HACL1: variants seen among roughly 807,000 people sequenced by gnomAD.
HACL1 encodes the protein 2-hydroxyacyl-CoA lyase 1.
Under a neutral mutation model 74.2 loss-of-function variants are expected in HACL1, and 64 were observed. The observed-to-expected ratio is 0.86, with a 90% CI of 0.70 to 1.06. HACL1 has a LOEUF of 1.06. HACL1 is among the 50% of genes least tolerant of loss of function. The pLI is 0.00. For synonymous variants in HACL1, 230 were observed against 238.8 expected, an observed-to-expected ratio of 0.96 and a Z score of 0.34; for missense variants, 728 against 719.7, an observed-to-expected ratio of 1.01 and a Z score of -0.13.
intron 3 of HACL1, among the ~76,000 whole-genome samples, chr3:15,593,182 T>TAC (rs2063986450): frequency 6.7e-6 from 1 of 150,118 alleles, no homozygotes; most frequent in Non-Finnish European, 1.5e-5. Context: ...TGTGTATATA[T>TAC]ACACACATAT....
chr3:15,586,631 T>G (rs772141093), intron 5 of HACL1, 29 bp from the exon 6 acceptor site: 1 of 1,268,300 alleles, frequency 7.9e-7, no homozygotes, highest in South Asian at 1.2e-5. Flanking sequence ...TCACTTAAAA[T>G]TCAGCTCACA....
chr3:15,592,359 T>A (rs190937111), intron 3 of HACL1, among the ~76,000 whole-genome samples: 2 of 137,280 alleles, frequency 1.5e-5, no homozygotes, highest in Non-Finnish European at 3.0e-5. Context: ...ACTCTATATA[T>A]ATGTATACAT....
rs41284035 is a variant in HACL1 at position 15,580,153 on chromosome 3, G to C, written c.668-108C>G. 7.4e-3 allele frequency: 6,464 copies of C among 869,288 alleles called. 34 individuals carry two copies. The highest frequency in any genetic ancestry group is 0.01 in the Non-Finnish European group (5,634 of 545,874). The allele number at this position is 869,288 out of a possible 1,614,324, so 53.8% of individuals were successfully genotyped here. A position where few individuals can be genotyped will look rare whatever the true frequency, so the allele number is the denominator to read the frequency against. On this transcript the variant is annotated intron_variant, in intron 8 of 16. Coordinates refer to ENST00000321169, the MANE Select transcript of HACL1 (RefSeq NM_012260.4). ...TTTACTTATTTATATTTTGAGACAG[G>C]GACTCACTCTATCACCCAGGCTGGA...
Position 15,567,922 on chromosome 3 carries a change from C to G in HACL1, c.1331G>C (p.Ser444Thr). The G allele has an allele frequency of 3.1e-6, 5 of 1,614,056 alleles. No homozygotes were observed. The highest frequency in any genetic ancestry group is 4.2e-6 in the Non-Finnish European group (5 of 1,179,872). ...IAAAVVAKDRSPGQWIICVEG... is the reference protein window; with the variant it reads ...IAAAVVAKDRTPGQWIICVEG... ...CACACAGATGATCCATTGCCCAGGG[C>G]TTCTATCTTTAGCCACCACGGCAGC... The change falls in exon 14 of 17, where the codon AGC (serine) becomes ACC (threonine). Residue 444 changes from serine to threonine, a missense_variant. Transcript: ENST00000321169.
intron 4 of HACL1, among the ~76,000 whole-genome samples, chr3:15,589,846 C>A (rs2063858460): frequency 6.6e-6 from 1 of 151,908 alleles, no homozygotes; most frequent in Non-Finnish European, 1.5e-5. Context: ...ACCAGCATGG[C>A]CAACATGGTG....
chr3:15,590,673 A>G (rs147215214), intron 4 of HACL1, among the ~76,000 whole-genome samples: 1 of 152,356 alleles, frequency 6.6e-6, no homozygotes, highest in East Asian at 1.9e-4. Flanking sequence ...AAAATTAGCC[A>G]CATTTTACAC....
At chr3:15,599,643 A>T (rs1306439429) in intron 2 of HACL1, among the ~76,000 whole-genome samples, 1 of 152,214 alleles carries the variant, frequency 6.6e-6, no homozygotes, top group Non-Finnish European at 1.5e-5. Flanking sequence ...CTCTACAGGC[A>T]ATCTTCTCTG....
At chr3:15,563,704 T>C (rs1484434523) in intron 15 of HACL1, among the ~76,000 whole-genome samples, 160 bp from the exon 16 acceptor site, 1 of 152,244 alleles carries the variant, frequency 6.6e-6, no homozygotes, top group Non-Finnish European at 1.5e-5. Context: ...GAGTTTTTCC[T>C]ATATTTATAA....
intron 8 of HACL1, among the ~76,000 whole-genome samples, chr3:15,580,705 G>T (rs1189254060): frequency 2.6e-5 from 4 of 152,180 alleles, no homozygotes; most frequent in Non-Finnish European, 5.9e-5. Context: ...AGGGAAAAAT[G>T]TTGCCCTGAA....
intron 6 of HACL1, 66 bp from the exon 7 acceptor site, chr3:15,585,408 ATAATT>A (rs954066363): frequency 1.1e-6 from 1 of 872,048 alleles, no homozygotes; most frequent in African/African-American, 1.7e-5. Flanking sequence ...CTACTCAAAG[ATAATT>A]TAAAACTGGA....
chr3:15,568,648 A>T lies in HACL1; in HGVS notation c.1096-62T>A, dbSNP rs1268545582. The T allele has an allele frequency of 3.3e-6, 3 of 917,998 alleles. No individual in the cohort carries two copies. The East Asian group carries it at 7.3e-5, about 22-fold the overall frequency. The allele number at this position is 917,998 out of a possible 1,614,324, so 56.9% of individuals were successfully genotyped here. On this transcript the variant is annotated intron_variant, in intron 12 of 16. Transcript: ENST00000321169. The stretch of plus-strand genomic sequence containing the variant: ...GGATACAATGAAAATAACCAATGTT[A>T]ATAAGATGCTATCAAACTTATTTGG...
chr3:15,596,238 T>A (rs756726218), intron 3 of HACL1, 146 bp downstream of exon 3: 12 of 615,688 alleles, frequency 1.9e-5, no homozygotes, highest in Admixed American at 5.3e-5. Context: ...GATGTGGTCC[T>A]CAGAGAGTTT....
At chr3:15,596,027 C>A in intron 3 of HACL1, 1 of 174,228 alleles carries the variant, frequency 5.7e-6, no homozygotes, top group South Asian at 1.8e-4. Context: ...AACATGGATA[C>A]ACACTAAAAA....
Position 15,585,355 on chromosome 3 carries a change from C to G in HACL1, c.460-13G>C. 1 of 1,425,734 alleles carries G rather than the reference C, an allele frequency of 7.0e-7. No individual in the cohort carries two copies. The highest frequency in any genetic ancestry group is 9.9e-7 in the Non-Finnish European group (1 of 1,013,040). The allele number at this position is 1,425,734 out of a possible 1,614,324, so 88.3% of individuals were successfully genotyped here. A position where few individuals can be genotyped will look rare whatever the true frequency, so the allele number is the denominator to read the frequency against. On this transcript the variant is annotated splice_polypyrimidine_tract_variant and intron_variant, in intron 6 of 16. Coordinates refer to ENST00000321169, the MANE Select transcript of HACL1 (RefSeq NM_012260.4). ...TGCTTCTCACTGCCTACGTTCATTA[C>G]AAGTAGAAGAAAAGATTTGTAAAAT... is the stretch of plus-strand genomic sequence containing the variant.
At chr3:15,578,635 CT>C (rs1559553581) in intron 9 of HACL1, among the ~76,000 whole-genome samples, 1 of 151,942 alleles carries the variant, frequency 6.6e-6, no homozygotes, top group African/African-American at 2.4e-5. Context: ...GATTTTTTTT[CT>C]TTTTTTCTTT....
Position 15,583,753 on chromosome 3 carries a change from GT to G in HACL1, c.555-765del, listed in dbSNP as rs905137616. On this transcript the variant is annotated intron_variant, in intron 7 of 16. Transcript: ENST00000321169. ...GCTCACTGCAACCTCCATCTCCCAA[GT>G]TCAAGCGATTCTCCTGCCTCAGCCT... is the stretch of plus-strand genomic sequence containing the variant. 2.6e-5 allele frequency among the ~76,000 whole-genome samples: 4 copies of G among 151,220 alleles called. No individual in the cohort carries two copies. The East Asian group carries it at 7.8e-4, about 29-fold the overall frequency.
Position 15,571,732 on chromosome 3 carries a change from G to T in HACL1, c.1031C>A (p.Pro344His). The change falls in exon 12 of 17, where the codon CCT becomes CAT. Residue 344 changes from proline (P) to histidine (H), a missense_variant. Pro to His is a moderately conservative substitution (Grantham distance 77). Transcript: ENST00000321169. ...EELDKTPWQY[P>H]PESKWWKTLR... ...AGTTTTCCACCACTTGCTCTCTGGA[G>T]GATACTGCCATGGTGTTTTATCAAG... 1.3e-6 allele frequency: 2 copies of T among 1,520,716 alleles called. No homozygotes were observed. The highest frequency in any genetic ancestry group is 1.8e-6 in the Non-Finnish European group (2 of 1,101,792). 94.2% of individuals were successfully genotyped at this position (1,520,716 alleles called of 1,614,324 possible).
At chr3:15,566,473 G>A (rs757417057) in intron 14 of HACL1, among the ~76,000 whole-genome samples, 3 of 152,126 alleles carry the variant, frequency 2.0e-5, no homozygotes, top group Non-Finnish European at 4.4e-5. Flanking sequence ...GGCCAATATG[G>A]CAAAGCCCTG....
intron 2 of HACL1, among the ~76,000 whole-genome samples, chr3:15,597,991 GTTTTGTTTTGTTTTA>G (rs1208049623): frequency 6.6e-5 from 10 of 151,214 alleles, no homozygotes; most frequent in African/African-American, 1.2e-4. Context: ...AGAGGTAACT[GTTTTGTTTTGTTTTA>G]TTTTGTTTTG....
Sources: gnomAD v4.1 joint callset for allele counts (sites outside exome capture counted in the v4.1 genomes callset) on GRCh38, gnomAD v4.1.1 for gene constraint, MANE v1.5 for transcripts, NCBI Gene and HGNC (gene_info 2026-07-23, HGNC 2026-07-21) for gene names.